FER1L5: variants seen among roughly 807,000 people sequenced by gnomAD.
FER1L5 encodes fer-1 like family member 5.
A neutral mutation model predicts 279.9 loss-of-function variants in FER1L5; 187 were observed. The ratio of observed to expected loss-of-function variants is 0.67; its 90% CI spans 0.59 to 0.75. The LOEUF is 0.75. FER1L5 is among the 30% of genes least tolerant of loss of function. FER1L5 has a pLI of 0.00. For missense variants in FER1L5, 2,091 were observed against 2,594.4 expected (o/e 0.81, Z 4.21); for synonymous variants, 921 against 989.7 (o/e 0.93, Z 1.30).
intron 26 of FER1L5, among the ~76,000 whole-genome samples, chr2:96,690,148 A>C (rs966033073): frequency 3.3e-5 from 5 of 152,140 alleles, no homozygotes; most frequent in Non-Finnish European, 7.4e-5. Flanking sequence ...GGCACTAGTG[A>C]GATGAAGGAA....
At chr2:96,678,780 T>G (rs1312757019) in intron 19 of FER1L5, among the ~76,000 whole-genome samples, 1 of 152,226 alleles carries the variant, frequency 6.6e-6, no homozygotes, top group East Asian at 1.9e-4. Context: ...TCTTTAGTGA[T>G]ATGTCTATTC....
rs933750716 is a variant in FER1L5, at chr2:96,682,105, G to A, written c.1670-2222G>A. Among the ~76,000 whole-genome samples, 8 of 150,386 alleles carry A rather than the reference G, an allele frequency of 5.3e-5. No individual in the cohort carries two copies. In the South Asian group the frequency reaches 1.3e-3, roughly 24 times the overall value. Reference sequence around the variant, plus strand: ...CTGGCCCTTTTTTGTTGCTGTTTTCGAGGTGGAGTCTGGCTCTGTTGCCCA... The same window carrying A: ...CTGGCCCTTTTTTGTTGCTGTTTTCAAGGTGGAGTCTGGCTCTGTTGCCCA... On this transcript the variant is annotated intron_variant, in intron 19 of 52. Coordinates refer to ENST00000624922, the MANE Select transcript of FER1L5 (RefSeq NM_001293083.2).
chr2:96,660,494 A>G, intron 10 of FER1L5, 123 bp downstream of exon 10: 1 of 809,232 alleles, frequency 1.2e-6, no homozygotes, highest in Non-Finnish European at 2.0e-6. Flanking sequence ...ATTGTAAATT[A>G]TTTTCTGTAT....
Position 96,687,801 on chromosome 2 carries a change from C to A in FER1L5, c.2230-15C>A, listed in dbSNP as rs904720028. The A allele has an allele frequency of 6.4e-7, 1 of 1,550,770 alleles. No homozygotes were observed. The highest frequency in any genetic ancestry group is 1.4e-5 in the African/African-American group (1 of 73,136). On this transcript the variant is annotated splice_polypyrimidine_tract_variant and intron_variant, in intron 23 of 52. Coordinates refer to ENST00000624922, the MANE Select transcript of FER1L5 (RefSeq NM_001293083.2). ...TGTTTAGTGCCCCTGTGGGACCGAT[C>A]GGCCTCTGGCTCAGTACCCAGAGGG...
intron 6 of FER1L5, among the ~76,000 whole-genome samples, chr2:96,651,157 A>G (rs960891769): frequency 3.3e-5 from 5 of 152,072 alleles, no homozygotes; most frequent in African/African-American, 9.7e-5. Context: ...CTGTGTCTCC[A>G]AGTCCATCTC....
intron 10 of FER1L5, 146 bp from the exon 11 acceptor site, chr2:96,661,179 G>T: frequency 1.7e-6 from 1 of 591,590 alleles, no homozygotes; most frequent in Non-Finnish European, 3.0e-6. Context: ...TGGTACGAGT[G>T]ACTCCCCTTT....
At chr2:96,699,754 G>C in intron 43 of FER1L5, 34 bp downstream of exon 43, 1 of 1,611,156 alleles carries the variant, frequency 6.2e-7, no homozygotes, top group South Asian at 1.1e-5. Flanking sequence ...AAGGGAGTCA[G>C]GTGGGGTGGA....
chr2:96,669,599 G>C (rs1421395269), intron 17 of FER1L5, among the ~76,000 whole-genome samples: 5 of 152,172 alleles, frequency 3.3e-5, no homozygotes, highest in African/African-American at 9.7e-5. Flanking sequence ...GGCAGGGAAG[G>C]ATGCTGAGGA....
chr2:96,684,469 C>G lies in FER1L5; in HGVS notation c.1794+18C>G. 2 of 1,546,900 alleles carry G rather than the reference C, an allele frequency of 1.3e-6. No individual in the cohort carries two copies. Among genetic ancestry groups the G allele is most frequent in the Non-Finnish European group, 1.7e-6 (2 of 1,143,654 alleles). On this transcript the variant is annotated intron_variant, in intron 20 of 52. Transcript: ENST00000624922. ...ACCGCCTGGTGAGTGGTGCGGGAGC[C>G]GATGCTGGGAAGACACCTGTTTCAG...
rs760313932 is a variant in FER1L5, at chr2:96,695,807, C to T, written c.3960C>T (p.Phe1320=). 32 of 1,612,722 alleles carry T rather than the reference C, an allele frequency of 2.0e-5. No homozygotes were observed. In the South Asian group the frequency reaches 2.2e-4, roughly 11 times the overall value. ...LVVKVVDNWA[F]GQQTVTGQAN... ...TGAAGGTGGTAGACAACTGGGCCTT[C>T]GGCCAGCAGACCGTGACGGGCCAGG... is the stretch of plus-strand genomic sequence containing the variant. Residue 1320 remains phenylalanine (F), a synonymous_variant, in exon 36 of 53, where the codon TTC becomes TTT. Coordinates refer to ENST00000624922, the MANE Select transcript of FER1L5 (RefSeq NM_001293083.2).
Position 96,694,554 on chromosome 2 carries a change from C to A in FER1L5, c.3741+90C>A. ...GCCTTCTGCTGGTCCTCCCTGACTA[C>A]TGGATCCAAAGCTCACACCCCGAAA... is the stretch of plus-strand genomic sequence containing the variant. On this transcript the variant is annotated intron_variant, in intron 34 of 52. Transcript: ENST00000624922. The surrounding 1 kb of genome is among the most constrained non-coding windows in gnomAD (Gnocchi z 4.6). The A allele has an allele frequency of 9.4e-7, 1 of 1,065,866 alleles. No individual in the cohort carries two copies. The highest frequency in any genetic ancestry group is 1.3e-6 in the Non-Finnish European group (1 of 776,060). 66.0% of individuals were successfully genotyped at this position (1,065,866 alleles called of 1,614,324 possible). A position where few individuals can be genotyped will look rare whatever the true frequency, so the allele number is the denominator to read the frequency against.
intron 18 of FER1L5, among the ~76,000 whole-genome samples, chr2:96,670,469 G>T (rs1197630129): frequency 6.6e-6 from 1 of 152,116 alleles, no homozygotes; most frequent in Admixed American, 6.6e-5. Flanking sequence ...AAAAGATAAG[G>T]TTTCAGTTTA....
chr2:96,693,487 T>C lies in FER1L5; in HGVS notation c.3293-19T>C. The C allele has an allele frequency of 6.5e-7, 1 of 1,544,658 alleles. No individual in the cohort carries two copies. Among genetic ancestry groups the C allele is most frequent in the Non-Finnish European group, 8.7e-7 (1 of 1,142,918 alleles). On this transcript the variant is annotated intron_variant, in intron 31 of 52. Coordinates refer to ENST00000624922, the MANE Select transcript of FER1L5 (RefSeq NM_001293083.2). The stretch of plus-strand genomic sequence containing the variant: ...CTTCCCAGCTCAAGACACTGCTACC[T>C]TCTCCTCTACCCCTCCAGGGCCCTT...
rs1485607937 is a variant in FER1L5 at position 96,653,642 on chromosome 2, C to T, written c.636C>T (p.Ile212=). The change falls in exon 8 of 53, where the codon ATC becomes ATT. Residue 212 remains isoleucine, a splice_region_variant and synonymous_variant. Coordinates refer to ENST00000624922, the MANE Select transcript of FER1L5 (RefSeq NM_001293083.2). Reference sequence around the variant, plus strand: ...TACCCCAATTCTCTTTGCCTCAGATCTTCTTCCAGAATTTTCATGAGGTTC... The same window carrying T: ...TACCCCAATTCTCTTTGCCTCAGATTTTCTTCCAGAATTTTCATGAGGTTC... ...KMGNNPFFNE[I]FFQNFHEVPA... The T allele has an allele frequency of 6.4e-7, 1 of 1,551,322 alleles. No individual in the cohort carries two copies. The highest frequency in any genetic ancestry group is 1.2e-5 in the South Asian group (1 of 84,050).
intron 31 of FER1L5, among the ~76,000 whole-genome samples, 166 bp from the exon 32 acceptor site, chr2:96,693,340 G>A (rs532894950): frequency 6.6e-6 from 1 of 152,266 alleles, no homozygotes; most frequent in South Asian, 2.1e-4. Flanking sequence ...CTGGTGACAG[G>A]CCCCGGTGCT....
At chr2:96,642,942 A>G in intron 1 of FER1L5, 21 bp downstream of exon 1, 1 of 1,543,790 alleles carries the variant, frequency 6.5e-7, no homozygotes, top group Non-Finnish European at 8.8e-7. Context: ...CCCTGGGTCC[A>G]CATGGGAGAG....
intron 52 of FER1L5, 21 bp downstream of exon 52, chr2:96,704,383 C>T (rs761697417): frequency 3.1e-6 from 5 of 1,613,436 alleles, no homozygotes; most frequent in Non-Finnish European, 4.2e-6. Context: ...GCCATGGGGG[C>T]AAGGACAAAG....
At position 96,696,123 on chromosome 2, in the gene FER1L5, G is replaced by A. The variant is rs1299000691; in HGVS notation, c.4083+46G>A. The A allele has an allele frequency of 5.0e-6, 8 of 1,611,508 alleles. No individual in the cohort carries two copies. The South Asian group carries it at 6.6e-5, about 13-fold the overall frequency. The stretch of plus-strand genomic sequence containing the variant: ...CACCTTCTCCCATACTGTTGACGGG[G>A]TATAACCCTTGGGCCTAAGGAGGGG... On this transcript the variant is annotated intron_variant, in intron 37 of 52. Transcript: ENST00000624922.
chr2:96,698,718 G>A lies in FER1L5; in HGVS notation c.4404G>A (p.Lys1468=). ...TTCCTGAGAATCCAGAAGCCCCAAA[G>A]CCCCCGCTGCAGTTCTTGGTTTGGC... ...YPFPENPEAP[K]PPLQFLVWPE... Residue 1468 remains lysine, a synonymous_variant, in exon 41 of 53, where the codon AAG becomes AAA. Coordinates refer to ENST00000624922, the MANE Select transcript of FER1L5 (RefSeq NM_001293083.2). This position sits in a 1 kb window ranked among gnomAD's most constrained non-coding sequence, Gnocchi z 5.5. 1 of 1,582,646 alleles carries A rather than the reference G, an allele frequency of 6.3e-7. No homozygotes were observed. Among genetic ancestry groups the A allele is most frequent in the Non-Finnish European group, 8.6e-7 (1 of 1,165,196 alleles).
Sources: gnomAD v4.1 joint callset for allele counts (sites outside exome capture counted in the v4.1 genomes callset) on GRCh38, gnomAD v4.1.1 for gene constraint, Gnocchi (gnomAD v3.1) non-coding constraint, MANE v1.5 for transcripts, NCBI Gene and HGNC (gene_info 2026-07-23, HGNC 2026-07-21) for gene names.